Variants in AKAP7 observed in about 807,000 individuals in gnomAD.
AKAP7 encodes the protein A kinase (PRKA) anchor protein 7.
Under a neutral mutation model 39.5 loss-of-function variants are expected in AKAP7, and 39 were observed. That is an observed-to-expected ratio of 0.99 (90% CI 0.76 to 1.29). The LOEUF (loss-of-function observed/expected upper bound fraction) is 1.29, where lower values mean the gene tolerates loss of function less well. Among genes scored for constraint, AKAP7 ranks in the 50% most tolerant of loss-of-function variants. AKAP7 has a pLI of 0.00. For synonymous variants in AKAP7, 140 were observed against 139.1 expected (o/e 1.01, Z -0.05); for missense variants, 414 against 407.7 (o/e 1.02, Z -0.13).
intron 7 of AKAP7, among the ~76,000 whole-genome samples, chr6:131,265,884 A>G (rs1362767289): frequency 1.3e-5 from 2 of 152,170 alleles, no homozygotes; most frequent in Non-Finnish European, 2.9e-5. Context: ...CACATAATAG[A>G]TGCGTACTAT....
At chr6:131,214,875 C>T (rs920812670) in intron 6 of AKAP7, among the ~76,000 whole-genome samples, 1 of 151,960 alleles carries the variant, frequency 6.6e-6, no homozygotes, top group African/African-American at 2.4e-5. Flanking sequence ...TTATTCTGCT[C>T]TTCTTTTCAA....
At chr6:131,252,041 C>T (rs1812486737) in intron 7 of AKAP7, among the ~76,000 whole-genome samples, 2 of 152,220 alleles carry the variant, frequency 1.3e-5, no homozygotes, top group Admixed American at 1.3e-4. Flanking sequence ...TGCCTGCTCT[C>T]CTGCTCTGTT....
chr6:131,209,691 GA>G (rs1157130506), intron 6 of AKAP7, among the ~76,000 whole-genome samples: 1 of 152,146 alleles, frequency 6.6e-6, no homozygotes, highest in Non-Finnish European at 1.5e-5. Flanking sequence ...CTATCTCAAA[GA>G]TTACCGTTAG....
intron 6 of AKAP7, among the ~76,000 whole-genome samples, chr6:131,219,239 G>A (rs964282740): frequency 2.0e-5 from 3 of 149,088 alleles, no homozygotes; most frequent in Non-Finnish European, 4.4e-5. Context: ...GCAGTGAGCC[G>A]AGATCGCGCC....
chr6:131,166,253 C>T (rs1424182278), intron 4 of AKAP7, among the ~76,000 whole-genome samples: 1 of 152,046 alleles, frequency 6.6e-6, no homozygotes, highest in Non-Finnish European at 1.5e-5. Flanking sequence ...TGTCTGATCA[C>T]TTTGCCAATC....
At chr6:131,195,890 T>C (rs1313846875) in intron 5 of AKAP7, among the ~76,000 whole-genome samples, 1 of 152,178 alleles carries the variant, frequency 6.6e-6, no homozygotes, top group Non-Finnish European at 1.5e-5. Context: ...TTCTTGACCT[T>C]TGGGCGTTTG....
intron 5 of AKAP7, among the ~76,000 whole-genome samples, chr6:131,179,028 G>A (rs929466717): frequency 6.6e-6 from 1 of 151,844 alleles, no homozygotes; most frequent in African/African-American, 2.4e-5. Context: ...TTCATTCTTA[G>A]GATCTCAAAT....
intron 7 of AKAP7, among the ~76,000 whole-genome samples, chr6:131,222,537 AAAAAG>A (rs1022659373): frequency 3.5e-4 from 53 of 152,286 alleles, no homozygotes; most frequent in African/African-American, 1.2e-3. Flanking sequence ...AAAAAAAAGA[AAAAAG>A]AAAAGAAATA....
chr6:131,247,269 G>GTATATATATATATATATATATA (rs60033504), intron 7 of AKAP7, among the ~76,000 whole-genome samples: 1 of 91,928 alleles, frequency 1.1e-5, no homozygotes. Flanking sequence ...CATTTCATAT[G>GTATATATATATATATATATATA]TATATATATA....
chr6:131,137,226 C>G (rs577851549), intron 1 of AKAP7, among the ~76,000 whole-genome samples: 4 of 152,036 alleles, frequency 2.6e-5, no homozygotes, highest in Admixed American at 6.6e-5. Flanking sequence ...GCTGGGATTA[C>G]ACGTGTGAGC....
chr6:131,208,822 A>T (rs934672876), intron 6 of AKAP7, among the ~76,000 whole-genome samples: 7 of 152,196 alleles, frequency 4.6e-5, no homozygotes, highest in Non-Finnish European at 1.0e-4. Flanking sequence ...GTGGCTGGGC[A>T]GCCTCCATCT....
intron 7 of AKAP7, among the ~76,000 whole-genome samples, chr6:131,230,528 C>T (rs189534053): frequency 7.2e-5 from 11 of 152,146 alleles, no homozygotes; most frequent in African/African-American, 2.4e-4. Flanking sequence ...ATATTTTCTC[C>T]TGTTCTGTAG....
At chr6:131,170,988 T>C (rs551013965) in intron 5 of AKAP7, among the ~76,000 whole-genome samples, 1 of 152,346 alleles carries the variant, frequency 6.6e-6, no homozygotes, top group East Asian at 1.9e-4. Context: ...AATTCACTAT[T>C]GCTGTTATTA....
intron 2 of AKAP7, among the ~76,000 whole-genome samples, chr6:131,158,215 A>C (rs957726476): frequency 2.0e-5 from 3 of 152,176 alleles, no homozygotes; most frequent in African/African-American, 7.2e-5. Context: ...ACAGTAGCAA[A>C]GTTTTTCTGC....
intron 5 of AKAP7, chr6:131,185,233 G>T: frequency 2.1e-6 from 1 of 472,738 alleles, no homozygotes; most frequent in Admixed American, 3.0e-5. Context: ...TCTTCACAGG[G>T]GTGGGCTCAC....
At chr6:131,197,383 C>G (rs1434921603) in intron 5 of AKAP7, among the ~76,000 whole-genome samples, 3 of 152,062 alleles carry the variant, frequency 2.0e-5, no homozygotes, top group Admixed American at 2.0e-4. Context: ...TTAATAGTTG[C>G]TACCCAGATT....
intron 1 of AKAP7, among the ~76,000 whole-genome samples, chr6:131,141,117 T>C (rs556310926): frequency 8.5e-5 from 13 of 152,340 alleles, no homozygotes; most frequent in African/African-American, 3.1e-4. Context: ...TTATCCAGAA[T>C]ATAGTAATAT....
chr6:131,126,593 ATAC>A, the AKAP7 span, among the ~76,000 whole-genome samples: 3 of 152,204 alleles, frequency 2.0e-5, no homozygotes, highest in Admixed American at 6.5e-5. Flanking sequence ...AAACTCCTGC[ATAC>A]TAGACTTTGG....
At chr6:131,204,813 G>C (rs1192153169) in intron 6 of AKAP7, among the ~76,000 whole-genome samples, 4 of 152,150 alleles carry the variant, frequency 2.6e-5, no homozygotes. Flanking sequence ...TGGTATGGAG[G>C]GGTGGTGTAT....
Sources: allele counts gnomAD v4.1 joint callset (sites outside exome capture counted in the v4.1 genomes callset), GRCh38; gene constraint gnomAD v4.1.1; transcripts MANE v1.5; gene names NCBI Gene and HGNC (gene_info 2026-07-23, HGNC 2026-07-21).